CALB1: variants seen among roughly 807,000 people sequenced by gnomAD.
The protein encoded by CALB1 is calbindin 1, also known as calbindin.
In CALB1, 16 loss-of-function variants were observed where a neutral mutation model predicts 46.7. The ratio of observed to expected loss-of-function variants is 0.34; its 90% CI spans 0.23 to 0.52. CALB1 has a LOEUF of 0.52. Ranked by LOEUF, CALB1 falls within the 20% of genes least tolerant of loss-of-function variation. The pLI, the probability that CALB1 is intolerant of heterozygous loss-of-function variation, is 0.95. For missense variants in CALB1, 224 were observed against 300.3 expected, an observed-to-expected ratio of 0.75 and a Z score of 1.88; for synonymous variants, 90 against 112.8, an observed-to-expected ratio of 0.80 and a Z score of 1.28.
intron 3 of CALB1, among the ~76,000 whole-genome samples, chr8:90,070,549 C>G (rs1228892467): frequency 1.3e-5 from 2 of 151,960 alleles, no homozygotes; most frequent in African/African-American, 4.8e-5. Flanking sequence ...TGTGTATGCC[C>G]TTTAGCTTAT....
At chr8:90,063,245 G>A (rs765000945) in intron 8 of CALB1, 36 bp downstream of exon 8, 1 of 1,561,374 alleles carries the variant, frequency 6.4e-7, no homozygotes, top group Non-Finnish European at 8.8e-7. Flanking sequence ...AGCTTTTCAA[G>A]GAAAATATTA....
Sources: gnomAD v4.1 joint callset for allele counts (sites outside exome capture counted in the v4.1 genomes callset) on GRCh38, gnomAD v4.1.1 for gene constraint, MANE v1.5 for transcripts, NCBI Gene and HGNC (gene_info 2026-07-23, HGNC 2026-07-21) for gene names.